The following FGF14 variants were observed in gnomAD, a reference collection of about 807,000 sequenced individuals.
FGF14 encodes fibroblast growth factor 14, also known as fibroblast growth factor homologous factor 4.
In FGF14, 5 loss-of-function variants were observed where a neutral mutation model predicts 25.5. The ratio of observed to expected loss-of-function variants is 0.20; its 90% confidence interval spans 0.10 to 0.41. The LOEUF is 0.41. Among genes scored for constraint, FGF14 ranks in the 10% least tolerant of loss-of-function variants. The pLI is 1.00. For synonymous variants in FGF14, 138 were observed against 118.3 expected (o/e 1.17, Z -1.08); for missense variants, 222 against 320.1 (o/e 0.69, Z 2.34).
At chr13:102,136,408 T>A (rs913105234) in intron 1 of FGF14, among the ~76,000 whole-genome samples, 2 of 152,210 alleles carry the variant, frequency 1.3e-5, no homozygotes, top group East Asian at 3.8e-4. Context: ...AGCCACCGAC[T>A]GGACTCAGGT....
At chr13:102,161,573 G>GAAAGAAGAAGAAGAAGAAGAAGA (rs2047657617) in intron 1 of FGF14, among the ~76,000 whole-genome samples, 1 of 5,486 alleles carries the variant, frequency 1.8e-4, no homozygotes, top group Non-Finnish European at 3.4e-4. Flanking sequence ...TGTGAAGAAA[G>GAAAGAAGAAGAAGAAGAAGAAGA]AAAGAAGAAG....
chr13:102,337,811 C>T (rs1412556885), intron 1 of FGF14, among the ~76,000 whole-genome samples: 1 of 152,106 alleles, frequency 6.6e-6, no homozygotes, highest in Non-Finnish European at 1.5e-5. Context: ...GATTACGGCT[C>T]ATGGTAGGCT....
intron 3 of FGF14, among the ~76,000 whole-genome samples, chr13:101,804,845 G>A (rs2041110839): frequency 6.6e-6 from 1 of 151,948 alleles, no homozygotes; most frequent in African/African-American, 2.4e-5. Flanking sequence ...ATCTTTGATG[G>A]TTCCCTCATT....
At chr13:102,034,892 G>A (rs1296389140) in intron 1 of FGF14, among the ~76,000 whole-genome samples, 2 of 152,010 alleles carry the variant, frequency 1.3e-5, no homozygotes, top group Non-Finnish European at 2.9e-5. Context: ...AAATTTTGAG[G>A]CTTCCATTAT....
intron 1 of FGF14, among the ~76,000 whole-genome samples, chr13:102,387,695 T>C (rs1273124410): frequency 6.6e-6 from 1 of 151,942 alleles, no homozygotes; most frequent in African/African-American, 2.4e-5. Context: ...ATAAGCATAG[T>C]ACCCACTAGG....
intron 1 of FGF14, among the ~76,000 whole-genome samples, chr13:102,068,049 A>G (rs138641506): frequency 2.6e-5 from 4 of 152,338 alleles, no homozygotes; most frequent in Admixed American, 6.5e-5. Context: ...CTAGAATAGT[A>G]TATCTAGAGA....
intron 3 of FGF14, among the ~76,000 whole-genome samples, chr13:101,860,944 G>T (rs2044385243): frequency 1.3e-5 from 2 of 152,040 alleles, no homozygotes; most frequent in African/African-American, 4.8e-5. Flanking sequence ...AGAAACACAA[G>T]TTTTGAATTT....
At chr13:101,723,804 T>C (rs1192752046) in intron 4 of FGF14, among the ~76,000 whole-genome samples, 1 of 149,012 alleles carries the variant, frequency 6.7e-6, no homozygotes, top group African/African-American at 2.4e-5. Context: ...AAAGGACATA[T>C]AAGAGTGACT....
chr13:102,310,270 G>A (rs1316536380), intron 1 of FGF14, among the ~76,000 whole-genome samples: 4 of 152,132 alleles, frequency 2.6e-5, no homozygotes, highest in East Asian at 1.9e-4. Flanking sequence ...TGAAACACAC[G>A]TGTGTGTGCA....
chr13:101,847,950 G>A (rs556186175), intron 3 of FGF14, among the ~76,000 whole-genome samples: 1 of 152,142 alleles, frequency 6.6e-6, no homozygotes, highest in South Asian at 2.1e-4. Context: ...ATTTAGTAGA[G>A]TAATGGAAAC....
At chr13:102,041,325 G>T (rs1332785673) in intron 1 of FGF14, among the ~76,000 whole-genome samples, 1 of 151,946 alleles carries the variant, frequency 6.6e-6, no homozygotes, top group East Asian at 1.9e-4. Context: ...TAAAGTTATA[G>T]AATAAACTTT....
rs56774921 is a variant in FGF14 at position 102,352,242 on chromosome 13, T to TACAC, written c.208+49225_208+49228dup. ...AACAACCACAATATCTGTACCTTTA[T>TACAC]ACACACACACACACACACACACACA... On this transcript the variant is annotated intron_variant, in intron 1 of 4. Transcript: ENST00000376131. 8.3e-3 allele frequency among the ~76,000 whole-genome samples: 1,134 copies of TACAC among 137,330 alleles called. 12 individuals carry two copies. Among genetic ancestry groups the TACAC allele is most frequent in the Admixed American group, 0.02 (268 of 13,624 alleles). The allele number at this position is 137,330 out of a possible 152,430, so 90.1% of individuals were successfully genotyped here.
chr13:102,251,078 G>A (rs889686105), intron 1 of FGF14, among the ~76,000 whole-genome samples: 7 of 151,962 alleles, frequency 4.6e-5, no homozygotes, highest in African/African-American at 1.2e-4. Context: ...TTTATTACAC[G>A]AAGTTTTCAT....
At chr13:101,774,728 T>A (rs1246962112) in intron 3 of FGF14, among the ~76,000 whole-genome samples, 1 of 152,014 alleles carries the variant, frequency 6.6e-6, no homozygotes, top group Non-Finnish European at 1.5e-5. Flanking sequence ...TTGGAACTTA[T>A]GAAGGTGGTG....
At chr13:101,847,845 A>G (rs2043543223) in intron 3 of FGF14, among the ~76,000 whole-genome samples, 1 of 152,096 alleles carries the variant, frequency 6.6e-6, no homozygotes, top group African/African-American at 2.4e-5. Context: ...AAAAACATTA[A>G]GACATTTTCC....
At chr13:102,025,562 C>A (rs1450201717) in intron 1 of FGF14, among the ~76,000 whole-genome samples, 2 of 151,880 alleles carry the variant, frequency 1.3e-5, no homozygotes, top group African/African-American at 4.8e-5. Context: ...GTGTGTGCCA[C>A]CATGCCTGAG....
chr13:101,928,424 A>G (rs945124355), intron 1 of FGF14, among the ~76,000 whole-genome samples: 4 of 147,986 alleles, frequency 2.7e-5, no homozygotes, highest in African/African-American at 5.1e-5. Flanking sequence ...GTGTGTGTGT[A>G]GTTTTTGCTA....
At chr13:101,918,359 C>T (rs1449106953), upstream of FGF14, among the ~76,000 whole-genome samples, 3 of 152,212 alleles carry the variant, frequency 2.0e-5, no homozygotes, top group Non-Finnish European at 4.4e-5. Flanking sequence ...CTTTGCCTAT[C>T]AGCTCAGGCA....
In FGF14 at chr13:101,721,249, C is replaced by A. The variant is rs1386149405; in HGVS notation, c.*1582G>T. The A allele has an allele frequency of 1.3e-5, 2 of 152,054 alleles. No individual in the cohort carries two copies. The highest frequency in any genetic ancestry group is 2.4e-5 in the African/African-American group (1 of 41,414). The allele number at this position is 152,054 out of a possible 1,614,324, so 9.4% of individuals were successfully genotyped here. ...AGTTTAGTATGAAACATTTTGAACC[C>A]CTTTAGATCCAATATTGAACATTTT... On this transcript the variant is annotated 3_prime_UTR_variant, in exon 5 of 5. Coordinates refer to ENST00000376143, the MANE Select transcript of FGF14 (RefSeq NM_004115.4).
Sources: gnomAD v4.1 joint callset for allele counts (sites outside exome capture counted in the v4.1 genomes callset) on GRCh38, gnomAD v4.1.1 for gene constraint, MANE v1.5 for transcripts, NCBI Gene and HGNC (gene_info 2026-07-23, HGNC 2026-07-21) for gene names.